Variants in GNAZ observed in about 807,000 individuals in gnomAD.
The protein encoded by GNAZ is G protein subunit alpha z, also known as guanine nucleotide-binding protein G(z) subunit alpha.
Under a neutral mutation model 25.4 loss-of-function variants are expected in GNAZ, and 3 were observed. The observed-to-expected ratio is 0.12, with a 90% confidence interval of 0.05 to 0.30. The LOEUF is 0.30. Ranked by LOEUF, GNAZ falls within the 10% of genes least tolerant of loss-of-function variation. The probability of loss-of-function intolerance (pLI) is 1.00; values close to 1 mark genes in which losing one functional copy is unlikely to be tolerated. For synonymous variants in GNAZ, 211 were observed against 205.7 expected (o/e 1.03, Z -0.22); for missense variants, 241 against 501.8 (o/e 0.48, Z 4.97).
At chr22:23,084,084 C>G (rs1388305808) in intron 1 of GNAZ, among the ~76,000 whole-genome samples, 2 of 152,102 alleles carry the variant, frequency 1.3e-5, no homozygotes, top group Non-Finnish European at 2.9e-5. Flanking sequence ...GAGGGCAGTT[C>G]CTGGGAGGGT....
intron 1 of GNAZ, among the ~76,000 whole-genome samples, chr22:23,094,070 G>A (rs2057641705): frequency 6.6e-6 from 1 of 152,198 alleles, no homozygotes; most frequent in South Asian, 2.1e-4. Flanking sequence ...TTGAGGGTGG[G>A]GCCTTGGCTG....
In GNAZ at chr22:23,124,767, C is replaced by T. The variant is rs993884244; in HGVS notation, c.*1336C>T. 5 of 164,062 alleles carry T rather than the reference C, an allele frequency of 3.0e-5. No homozygotes were observed. The highest frequency in any genetic ancestry group is 1.2e-4 in the African/African-American group (5 of 41,680). The allele number at this position is 164,062 out of a possible 1,614,324, so 10.2% of individuals were successfully genotyped here. On this transcript the variant is annotated 3_prime_UTR_variant, in exon 3 of 3. Coordinates refer to ENST00000615612, the MANE Select transcript of GNAZ (RefSeq NM_002073.4). ...CTGCTGGGACCCTGATCTGGGCCTT[C>T]CTGTCCCAGGGCCTATGGGCAACTG...
At chr22:23,074,345 G>A (rs2068455962) in intron 1 of GNAZ, among the ~76,000 whole-genome samples, 1 of 152,202 alleles carries the variant, frequency 6.6e-6, no homozygotes, top group African/African-American at 2.4e-5. Context: ...AAATGCAGGT[G>A]GGAGATTTGT....
In GNAZ at chr22:23,124,063, A is replaced by G; in HGVS notation, c.*632A>G. On this transcript the variant is annotated 3_prime_UTR_variant, in exon 3 of 3. Transcript: ENST00000615612. ...TCTTTTTAAAAAACAGCTTCAAAAT[A>G]TGCAGCAAAAACCAATACAACAAAA... 4.5e-6 allele frequency: 1 copy of G among 223,964 alleles called. No homozygotes were observed. The highest frequency in any genetic ancestry group is 5.0e-5 in the South Asian group (1 of 19,940). The allele number at this position is 223,964 out of a possible 1,614,324, so 13.9% of individuals were successfully genotyped here.
intron 2 of GNAZ, among the ~76,000 whole-genome samples, chr22:23,119,423 A>C (rs1176291040): frequency 6.6e-6 from 1 of 152,146 alleles, no homozygotes; most frequent in East Asian, 1.9e-4. Context: ...GTGGTTCTTC[A>C]GCCTCCCGCT....
At chr22:23,092,281 G>A (rs1601785302) in intron 1 of GNAZ, among the ~76,000 whole-genome samples, 1 of 152,304 alleles carries the variant, frequency 6.6e-6, no homozygotes, top group Admixed American at 6.5e-5. Flanking sequence ...GAATAGGTGG[G>A]ACTGTCATAA....
At chr22:23,119,585 C>T (rs1416079933) in intron 2 of GNAZ, among the ~76,000 whole-genome samples, 1 of 152,242 alleles carries the variant, frequency 6.6e-6, no homozygotes, top group Non-Finnish European at 1.5e-5. Context: ...TATAGCCTTC[C>T]TGTTCTATAA....
chr22:23,088,109 G>GTCAGTTAAATCTCTT (rs1336394302), intron 1 of GNAZ, among the ~76,000 whole-genome samples: 1 of 152,236 alleles, frequency 6.6e-6, no homozygotes, highest in East Asian at 1.9e-4. Context: ...GCAAGATGGA[G>GTCAGTTAAATCTCTT]TCAGTTAAAT....
intron 1 of GNAZ, among the ~76,000 whole-genome samples, chr22:23,074,183 C>A (rs2068449597): frequency 6.6e-6 from 1 of 151,808 alleles, no homozygotes; most frequent in Admixed American, 6.6e-5. Flanking sequence ...GCTGCCCTCC[C>A]AGGAGGAGCT....
chr22:23,077,373 C>T (rs749357778), intron 1 of GNAZ, among the ~76,000 whole-genome samples: 5 of 152,172 alleles, frequency 3.3e-5, no homozygotes, highest in South Asian at 2.1e-4. Context: ...CCCCATGCTT[C>T]GTTCATGGCA....
At chr22:23,094,530 G>A (rs1037816390) in intron 1 of GNAZ, among the ~76,000 whole-genome samples, 8 of 152,184 alleles carry the variant, frequency 5.3e-5, no homozygotes, top group African/African-American at 1.7e-4. Flanking sequence ...GGATTTCCCC[G>A]CAGCACCACG....
chr22:23,116,891 AG>A (rs2069855114), intron 2 of GNAZ, among the ~76,000 whole-genome samples: 1 of 152,144 alleles, frequency 6.6e-6, no homozygotes, highest in South Asian at 2.1e-4. Context: ...CGCACCTGGG[AG>A]GGGGACAGGC....
At chr22:23,116,447 G>C (rs764648841) in intron 2 of GNAZ, among the ~76,000 whole-genome samples, 1 of 152,252 alleles carries the variant, frequency 6.6e-6, no homozygotes, top group Non-Finnish European at 1.5e-5. Flanking sequence ...GAGCAGGCCA[G>C]TGTCCCTCCC....
chr22:23,095,974 C>G lies in GNAZ; in HGVS notation c.279C>G (p.Ile93Met). The change falls in exon 2 of 3, where the codon ATC becomes ATG. Residue 93 changes from isoleucine to methionine, a missense_variant. By Grantham distance (10) the Ile-to-Met change is conservative (BLOSUM62 1). Coordinates refer to ENST00000615612, the MANE Select transcript of GNAZ (RefSeq NM_002073.4). ...RIIRALAALR[I>M]DFHNPDRAYD... ...TCCGGGCCCTGGCCGCCCTCAGGAT[C>G]GACTTCCACAACCCCGACCGCGCCT... 1 of 1,611,162 alleles carries G rather than the reference C, an allele frequency of 6.2e-7. No homozygotes were observed. Among genetic ancestry groups the G allele is most frequent in the East Asian group, 2.2e-5 (1 of 44,884 alleles).
chr22:23,114,187 T>C (rs997909137), intron 2 of GNAZ, among the ~76,000 whole-genome samples: 1 of 152,160 alleles, frequency 6.6e-6, no homozygotes, highest in African/African-American at 2.4e-5. Context: ...AGGGCTGGCC[T>C]GTCCATGGTG....
At chr22:23,109,321 G>A (rs1181190991) in intron 2 of GNAZ, among the ~76,000 whole-genome samples, 1 of 152,102 alleles carries the variant, frequency 6.6e-6, no homozygotes, top group African/African-American at 2.4e-5. Context: ...AGGCCAGGGT[G>A]GGCCTGCCCT....
intron 1 of GNAZ, among the ~76,000 whole-genome samples, chr22:23,079,331 G>A (rs1228084672): frequency 4.6e-5 from 7 of 152,240 alleles, no homozygotes; most frequent in East Asian, 1.9e-4. Flanking sequence ...GAGAGGGCGC[G>A]GAAGCGAAGT....
intron 2 of GNAZ, among the ~76,000 whole-genome samples, chr22:23,106,113 C>T (rs2069466235): frequency 6.6e-6 from 1 of 152,226 alleles, no homozygotes; most frequent in Admixed American, 6.5e-5. Context: ...GTGACTCCCG[C>T]CACATATCAC....
chr22:23,099,935 C>T (rs1163474797), intron 2 of GNAZ, among the ~76,000 whole-genome samples: 3 of 152,258 alleles, frequency 2.0e-5, no homozygotes, highest in Admixed American at 1.3e-4. Context: ...AGCTAATGGA[C>T]TCTGCTGGCC....
Sources: allele counts gnomAD v4.1 joint callset (sites outside exome capture counted in the v4.1 genomes callset), GRCh38; gene constraint gnomAD v4.1.1; transcripts MANE v1.5; gene names NCBI Gene and HGNC (gene_info 2026-07-23, HGNC 2026-07-21).